STXBP4: variants seen among roughly 807,000 people sequenced by gnomAD.
The protein encoded by STXBP4 is syntaxin binding protein 4, also known as syntaxin-binding protein 4.
In STXBP4, 55 loss-of-function variants were observed where a neutral mutation model predicts 76.1. That is an observed-to-expected ratio of 0.72 (90% CI 0.58 to 0.91). The LOEUF (loss-of-function observed/expected upper bound fraction) is 0.91. STXBP4 is among the 40% of genes least tolerant of loss of function. STXBP4 has a pLI of 0.00. For synonymous variants in STXBP4, 201 were observed against 220.2 expected, an observed-to-expected ratio of 0.91 and a Z score of 0.77; for missense variants, 618 against 636.9, an observed-to-expected ratio of 0.97 and a Z score of 0.32.
intron 7 of STXBP4, among the ~76,000 whole-genome samples, chr17:55,001,506 T>A (rs1170312371): frequency 6.6e-6 from 1 of 152,002 alleles, no homozygotes; most frequent in Non-Finnish European, 1.5e-5. Context: ...TGAAATTATC[T>A]CCAAAAGTTA....
In STXBP4 at chr17:54,983,720, ATTG is replaced by A. The variant is rs2077583446; in HGVS notation, c.-156-1891_-156-1889del. 2.6e-5 allele frequency among the ~76,000 whole-genome samples: 4 copies of A among 152,236 alleles called. No homozygotes were observed. The South Asian group carries it at 6.2e-4, about 24-fold the overall frequency. ...GTGCCAATTAATGGTAGTTGCTATT[ATTG>A]TTATTATTTGAGAATGACCTCTCTT... On this transcript the variant is annotated intron_variant, in intron 1 of 17. Transcript: ENST00000376352.
chr17:55,061,411 G>T (rs943956415), intron 12 of STXBP4, among the ~76,000 whole-genome samples: 4 of 152,048 alleles, frequency 2.6e-5, no homozygotes, highest in African/African-American at 9.7e-5. Flanking sequence ...TAGTTTTTCA[G>T]TATAGCACTA....
At chr17:55,079,031 T>A (rs1039114263) in intron 15 of STXBP4, among the ~76,000 whole-genome samples, 7 of 152,176 alleles carry the variant, frequency 4.6e-5, no homozygotes, top group Non-Finnish European at 1.0e-4. Flanking sequence ...AACTTAAAAT[T>A]CTGTAATTGT....
chr17:55,106,625 T>C (rs1374319601), intron 16 of STXBP4, among the ~76,000 whole-genome samples: 1 of 152,208 alleles, frequency 6.6e-6, no homozygotes, highest in Non-Finnish European at 1.5e-5. Flanking sequence ...TATTTAGTGC[T>C]TCCTTCAAGA....
intron 1 of STXBP4, among the ~76,000 whole-genome samples, chr17:54,975,789 C>T (rs1047423181): frequency 6.6e-6 from 1 of 152,164 alleles, no homozygotes; most frequent in Non-Finnish European, 1.5e-5. Flanking sequence ...ACTCCAGTTG[C>T]ACTTCTTTCT....
At chr17:55,021,279 T>C (rs1409677037) in intron 8 of STXBP4, among the ~76,000 whole-genome samples, 2 of 152,248 alleles carry the variant, frequency 1.3e-5, no homozygotes, top group Admixed American at 6.5e-5. Context: ...TTCAGCACTT[T>C]GGGAGGCCAA....
intron 8 of STXBP4, among the ~76,000 whole-genome samples, chr17:55,017,566 C>T (rs1293726036): frequency 6.6e-6 from 1 of 152,206 alleles, no homozygotes; most frequent in Non-Finnish European, 1.5e-5. Context: ...TTGGGGGCTA[C>T]ACTTTCAAGA....
chr17:55,129,283 G>T (rs1047886327), intron 16 of STXBP4, among the ~76,000 whole-genome samples: 7 of 151,762 alleles, frequency 4.6e-5, no homozygotes, highest in African/African-American at 1.7e-4. Context: ...TCATTCTCCT[G>T]CCTTCTTTCT....
intron 12 of STXBP4, among the ~76,000 whole-genome samples, chr17:55,051,764 AAAAG>A (rs2078862555): frequency 6.6e-6 from 1 of 152,058 alleles, no homozygotes; most frequent in Non-Finnish European, 1.5e-5. Flanking sequence ...CTTAAAAGGA[AAAAG>A]AAAGAAGGAA....
At chr17:55,111,169 C>T (rs2145055775) in intron 16 of STXBP4, among the ~76,000 whole-genome samples, 1 of 152,244 alleles carries the variant, frequency 6.6e-6, no homozygotes, top group East Asian at 1.9e-4. Context: ...TAGTAGCCTT[C>T]AATACATAAA....
intron 16 of STXBP4, among the ~76,000 whole-genome samples, chr17:55,095,995 C>T (rs1335434758): frequency 2.0e-5 from 3 of 152,042 alleles, no homozygotes; most frequent in Non-Finnish European, 2.9e-5. Flanking sequence ...ATTGATGGCA[C>T]CTTAGATTTG....
chr17:55,021,267 A>G (rs1043336345), intron 8 of STXBP4, among the ~76,000 whole-genome samples: 1 of 152,136 alleles, frequency 6.6e-6, no homozygotes, highest in Admixed American at 6.5e-5. Flanking sequence ...TATGCCTGTA[A>G]ATTCAGCACT....
chr17:55,152,196 G>A (rs2080224328), intron 17 of STXBP4, among the ~76,000 whole-genome samples: 1 of 152,084 alleles, frequency 6.6e-6, no homozygotes, highest in Non-Finnish European at 1.5e-5. Flanking sequence ...ATGTATCCAT[G>A]CATCAAATAT....
At chr17:55,023,951 G>C (rs1216338431) in intron 8 of STXBP4, among the ~76,000 whole-genome samples, 1 of 136,010 alleles carries the variant, frequency 7.4e-6, no homozygotes, top group Non-Finnish European at 1.6e-5. Flanking sequence ...GAAAACACTA[G>C]AGAAATGCTC....
chr17:55,201,720 T>C, the STXBP4 span, among the ~76,000 whole-genome samples: 1 of 152,176 alleles, frequency 6.6e-6, no homozygotes, highest in Non-Finnish European at 1.5e-5. Flanking sequence ...AAGGTAAGTC[T>C]CACTAGGAGA....
At chr17:55,177,154 A>G (rs1222892197), downstream of STXBP4, among the ~76,000 whole-genome samples, 1 of 152,194 alleles carries the variant, frequency 6.6e-6, no homozygotes, top group Non-Finnish European at 1.5e-5. Flanking sequence ...AATGATACAT[A>G]TGAAGATACT....
intron 12 of STXBP4, among the ~76,000 whole-genome samples, chr17:55,063,205 A>T (rs896401358): frequency 1.3e-5 from 2 of 152,254 alleles, no homozygotes; most frequent in African/African-American, 4.8e-5. Context: ...CTAAGCAAGC[A>T]TTGGCAAACA....
chr17:55,130,567 A>G (rs193037527), intron 16 of STXBP4, among the ~76,000 whole-genome samples: 35 of 152,194 alleles, frequency 2.3e-4, no homozygotes, highest in African/African-American at 8.0e-4. Context: ...TTTGAAATAT[A>G]CAACACATTC....
intron 4 of STXBP4, chr17:54,991,242 A>G (rs1036003287): frequency 5.7e-6 from 1 of 175,556 alleles, no homozygotes. Context: ...ATTGAGAGAA[A>G]TTATATTTGA....
Sources: gnomAD v4.1 joint callset for allele counts (sites outside exome capture counted in the v4.1 genomes callset) on GRCh38, gnomAD v4.1.1 for gene constraint, MANE v1.5 for transcripts, NCBI Gene and HGNC (gene_info 2026-07-23, HGNC 2026-07-21) for gene names.